Variants in EIF3E observed in about 807,000 individuals in gnomAD.
The protein encoded by EIF3E is eukaryotic translation initiation factor 3 subunit E.
EIF3E carries 25 observed loss-of-function variants against 59.3 expected under a neutral mutation model. That is an observed-to-expected ratio of 0.42 (90% CI 0.31 to 0.59). EIF3E has a LOEUF of 0.59. EIF3E is among the 20% of genes least tolerant of loss of function. The pLI is 0.15. For synonymous variants in EIF3E, 176 were observed against 170.2 expected (o/e 1.03, Z -0.26); for missense variants, 317 against 534.3 (o/e 0.59, Z 4.01).
At chr8:108,209,287 G>A (rs1208741196) in intron 10 of EIF3E, among the ~76,000 whole-genome samples, 1 of 152,106 alleles carries the variant, frequency 6.6e-6, no homozygotes, top group Middle Eastern at 3.4e-3. Flanking sequence ...GGAATAATAT[G>A]CCATAGTTAG....
intron 7 of EIF3E, among the ~76,000 whole-genome samples, chr8:108,223,864 T>A (rs1004113516): frequency 6.6e-6 from 1 of 151,444 alleles, no homozygotes. Flanking sequence ...TGCACTGGTA[T>A]CTAAACTTTC....
At position 108,241,786 on chromosome 8, in the gene EIF3E, T is replaced by A. The variant is rs1187023211; in HGVS notation, c.205+13A>T. 1.3e-6 allele frequency: 2 copies of A among 1,497,826 alleles called. No homozygotes were observed. The highest frequency in any genetic ancestry group is 1.8e-6 in the Non-Finnish European group (2 of 1,108,572). The allele number at this position is 1,497,826 out of a possible 1,614,324, so 92.8% of individuals were successfully genotyped here. A position where few individuals can be genotyped will look rare whatever the true frequency, so the allele number is the denominator to read the frequency against. ...GTCACAAGACAAGTTTCAGTTCTAA[T>A]GACAAAACTTACCATGAGGAATATC... On this transcript the variant is annotated intron_variant, in intron 2 of 12. Coordinates refer to ENST00000220849, the MANE Select transcript of EIF3E (RefSeq NM_001568.3).
chr8:108,226,542 T>C (rs1433899575), intron 7 of EIF3E, among the ~76,000 whole-genome samples: 1 of 152,188 alleles, frequency 6.6e-6, no homozygotes, highest in African/African-American at 2.4e-5. Context: ...AAGACCAAAA[T>C]GTTTAAGAAG....
chr8:108,239,461 C>G (rs674580), intron 3 of EIF3E, among the ~76,000 whole-genome samples: 66,620 of 152,052 alleles, frequency 0.44, 16,797 homozygotes, highest in Middle Eastern at 0.57. Context: ...CTCCACCTCC[C>G]CAAGTGCTGA....
chr8:108,240,480 G>C (rs1642104000), intron 2 of EIF3E, among the ~76,000 whole-genome samples: 1 of 152,134 alleles, frequency 6.6e-6, no homozygotes, highest in South Asian at 2.1e-4. Flanking sequence ...AGTTTTTGAA[G>C]AAAAACTCAG....
chr8:108,214,631 C>A lies in EIF3E; in HGVS notation c.1037G>T (p.Arg346Leu), dbSNP rs773346324. The A allele has an allele frequency of 2.5e-6, 4 of 1,608,044 alleles. No individual in the cohort carries two copies. Among genetic ancestry groups the A allele is most frequent in the Non-Finnish European group, 3.4e-6 (4 of 1,178,332 alleles). Residue 346 changes from arginine to leucine, a missense_variant, in exon 10 of 13, where the codon CGC (arginine) becomes CTC (leucine). By Grantham distance (102) the Arg-to-Leu change is moderately radical. Transcript: ENST00000220849. ...ARLFIFETFCRIHQCISINML... is the reference protein window; with the variant it reads ...ARLFIFETFCLIHQCISINML... ...CTTAATGCTGATACACTGGTGGATG[C>A]GACAGAAAGTCTCAAATATGAAGAG...
intron 5 of EIF3E, among the ~76,000 whole-genome samples, chr8:108,229,736 T>C (rs912737156): frequency 6.6e-6 from 1 of 152,184 alleles, no homozygotes; most frequent in African/African-American, 2.4e-5. Flanking sequence ...CAAAGGATTA[T>C]GTACTGAGCA....
chr8:108,248,511 C>T (rs1815993192), intron 1 of EIF3E, 102 bp downstream of exon 1: 3 of 1,155,796 alleles, frequency 2.6e-6, no homozygotes, highest in Admixed American at 2.2e-5. Context: ...AACTCGCGAC[C>T]GCCTCGCACG....
intron 7 of EIF3E, among the ~76,000 whole-genome samples, chr8:108,219,359 T>C (rs1011696593): frequency 1.3e-5 from 2 of 152,178 alleles, no homozygotes; most frequent in African/African-American, 4.8e-5. Flanking sequence ...TTTGGCTTTG[T>C]GGGCAAGAGG....
chr8:108,241,939 G>A, intron 1 of EIF3E, 26 bp from the exon 2 acceptor site: 2 of 1,467,426 alleles, frequency 1.4e-6, no homozygotes, highest in East Asian at 4.6e-5. Context: ...ACTTTCTAAT[G>A]AATATATTTA....
intron 5 of EIF3E, among the ~76,000 whole-genome samples, chr8:108,230,997 T>C (rs1815612736): frequency 6.6e-6 from 1 of 152,160 alleles, no homozygotes; most frequent in African/African-American, 2.4e-5. Context: ...AGCAGGTCAA[T>C]GGATGCCCAG....
intron 1 of EIF3E, among the ~76,000 whole-genome samples, chr8:108,244,354 G>A (rs1045107952): frequency 6.6e-6 from 1 of 152,144 alleles, no homozygotes; most frequent in Non-Finnish European, 1.5e-5. Flanking sequence ...CTGCTGATCC[G>A]TCGTCTATCA....
chr8:108,217,438 T>C lies in EIF3E; in HGVS notation c.745A>G (p.Met249Val), dbSNP rs757247022. ...QPQYLNAIQT[M>V]CPHILRYLTT... ...AAATAGCGAAGAATGTGTGGACACA[T>C]TGTCTGAATTGCATTAAGATATCTA... The change falls in exon 8 of 13, where the codon ATG becomes GTG. Residue 249 changes from methionine to valine, a missense_variant. Coordinates refer to ENST00000220849, the MANE Select transcript of EIF3E (RefSeq NM_001568.3). 10 of 1,600,966 alleles carry C rather than the reference T, an allele frequency of 6.2e-6. No homozygotes were observed. The highest frequency in any genetic ancestry group is 8.5e-6 in the Non-Finnish European group (10 of 1,175,208).
At chr8:108,235,310 T>C (rs2129910959) in intron 4 of EIF3E, among the ~76,000 whole-genome samples, 1 of 152,322 alleles carries the variant, frequency 6.6e-6, no homozygotes, top group East Asian at 1.9e-4. Flanking sequence ...TCTGGAGTTA[T>C]TTAAAGAAGT....
At chr8:108,242,508 A>G in intron 1 of EIF3E, 1 of 1,187,662 alleles carries the variant, frequency 8.4e-7, no homozygotes, top group East Asian at 5.9e-5. Flanking sequence ...ATTCTACAAA[A>G]TATTCACGGA....
intron 7 of EIF3E, 152 bp downstream of exon 7, chr8:108,228,115 T>C (rs1815553039): frequency 2.5e-6 from 2 of 805,952 alleles, no homozygotes; most frequent in Non-Finnish European, 3.7e-6. Context: ...GTCACATGCA[T>C]ACTTTTCAGT....
At chr8:108,239,569 G>C (rs1263565321) in intron 3 of EIF3E, among the ~76,000 whole-genome samples, 1 of 150,886 alleles carries the variant, frequency 6.6e-6, no homozygotes, top group East Asian at 2.0e-4. Context: ...AGCAGTGCTT[G>C]TCCTATGCAC....
Position 108,203,417 on chromosome 8 carries a change from T to C in EIF3E, c.1148A>G (p.Lys383Arg). Residue 383 changes from lysine to arginine, a missense_variant, in exon 11 of 13, where the codon AAG (lysine) becomes AGG (arginine). Around this residue, in one of 4 missense-constraint regions of EIF3E, gnomAD observed 45 missense variants for 97.8 expected, o/e 0.46. Coordinates refer to ENST00000220849, the MANE Select transcript of EIF3E (RefSeq NM_001568.3). Reference sequence around the variant, plus strand: ...AATACTCACTAATTTAGAATCAATCTTGGCATCCAGTCTTGCATTTCTAAT... The same window carrying C: ...AATACTCACTAATTTAGAATCAATCCTGGCATCCAGTCTTGCATTTCTAAT... ...NLIRNARLDA[K>R]IDSKLGHVVM... 1 of 1,611,764 alleles carries C rather than the reference T, an allele frequency of 6.2e-7. No individual in the cohort carries two copies. Among genetic ancestry groups the C allele is most frequent in the Non-Finnish European group, 8.5e-7 (1 of 1,178,628 alleles).
At chr8:108,211,224 G>A (rs1425333451) in intron 10 of EIF3E, among the ~76,000 whole-genome samples, 1 of 152,116 alleles carries the variant, frequency 6.6e-6, no homozygotes, top group East Asian at 1.9e-4. Context: ...CAGTGTAAAA[G>A]TGTTCCTATT....
Sources: allele counts gnomAD v4.1 joint callset (sites outside exome capture counted in the v4.1 genomes callset), GRCh38; gene constraint gnomAD v4.1.1; regional missense constraint gnomAD v4.1.1; transcripts MANE v1.5; gene names NCBI Gene and HGNC (gene_info 2026-07-23, HGNC 2026-07-21).